Variants in ZNF747 observed in about 807,000 individuals in gnomAD.
The protein encoded by ZNF747 is zinc finger protein 747.
A neutral mutation model predicts 13.4 loss-of-function variants in ZNF747; 14 were observed. The observed-to-expected ratio is 1.04, with a 90% CI of 0.69 to 1.63. The LOEUF is 1.63. Ranked by LOEUF, ZNF747 falls within the 40% of genes most tolerant of loss-of-function variation. The pLI is 0.00. For synonymous variants in ZNF747, 212 were observed against 206.5 expected, an observed-to-expected ratio of 1.03 and a Z score of -0.23; for missense variants, 532 against 477.9, an observed-to-expected ratio of 1.11 and a Z score of -1.05.
chr16:30,533,103 G>T lies in ZNF747; in HGVS notation c.392C>A (p.Ala131Asp). 6.2e-7 allele frequency: 1 copy of T among 1,612,554 alleles called. No individual in the cohort carries two copies. The highest frequency in any genetic ancestry group is 8.5e-7 in the Non-Finnish European group (1 of 1,180,030). The change falls in exon 3 of 3, where the codon GCC becomes GAC. Residue 131 changes from alanine (A) to aspartate (D), a missense_variant. Physicochemically the swap from Ala to Asp is moderately radical, Grantham distance 126. Coordinates refer to ENST00000693075, the MANE Select transcript of ZNF747 (RefSeq NM_001305018.2). ...GGCCACAGGGTCGGGCTTCTCCAGG[G>T]CTCCCGTCCCTTCCCTTTGTCTTTC... Reference protein sequence around the residue: ...EEERQREGTGALEKPDPVAAG... With the variant: ...EEERQREGTGDLEKPDPVAAG...
Position 30,533,146 on chromosome 16 carries a change from A to C in ZNF747, c.349T>G (p.Ser117Ala). ...KCPTEADPAD[S>A]RNKEEERQRE... is the part of the protein sequence containing the mutation. ...TGTCTTTCCTCTTCCTTGTTTCTGG[A>C]ATCTGCTGAAAGATAAGGAGGCGAG... is the stretch of plus-strand genomic sequence containing the variant. The change falls in exon 3 of 3, where the codon TCC becomes GCC. Residue 117 changes from serine to alanine, a missense_variant. Ser to Ala is a moderately conservative substitution (Grantham distance 99). Coordinates refer to ENST00000693075, the MANE Select transcript of ZNF747 (RefSeq NM_001305018.2). 6.2e-7 allele frequency: 1 copy of C among 1,612,176 alleles called. No individual in the cohort carries two copies. Among genetic ancestry groups the C allele is most frequent in the South Asian group, 1.1e-5 (1 of 90,992 alleles).
At position 30,530,869 on chromosome 16, in the gene ZNF747, GCAGGGGCTGC is replaced by G. The variant is rs1435864402; in HGVS notation, c.*1620_*1629del. ...AGGTGTTGTCCTGACCAGAGGCAGG[GCAGGGGCTGC>G]CCGTGGCTGGACTCTGCCCACAAAG... On this transcript the variant is annotated 3_prime_UTR_variant, in exon 3 of 3. Coordinates refer to ENST00000693075, the MANE Select transcript of ZNF747 (RefSeq NM_001305018.2). The surrounding 1 kb of genome is among the most constrained non-coding windows in gnomAD (Gnocchi z 4.4). The G allele has an allele frequency of 6.6e-6, 1 of 152,324 alleles. No individual in the cohort carries two copies. The highest frequency in any genetic ancestry group is 1.5e-5 in the Non-Finnish European group (1 of 68,126). 9.4% of individuals were successfully genotyped at this position (152,324 alleles called of 1,614,324 possible).
At chr16:30,533,245 G>T (rs751084608) in intron 2 of ZNF747, 94 bp from the exon 3 acceptor site, 2 of 1,518,266 alleles carry the variant, frequency 1.3e-6, no homozygotes, top group Admixed American at 3.7e-5. Context: ...CTGGACCCCC[G>T]ACTGCTCCTA....
Position 30,534,605 on chromosome 16 carries a change from G to C in ZNF747, c.75C>G (p.Asn25Lys). ...PLAPLPPRDPNGAGSEWRKPG... is the reference protein window; with the variant it reads ...PLAPLPPRDPKGAGSEWRKPG... Reference sequence around the variant, plus strand: ...GCTTTCTCCACTCGGATCCCGCCCCGTTTGGGTCCCGGGGAGGGAGCGGGG... The same window carrying C: ...GCTTTCTCCACTCGGATCCCGCCCCCTTTGGGTCCCGGGGAGGGAGCGGGG... Residue 25 changes from asparagine (N) to lysine (K), a missense_variant, in exon 1 of 3, where the codon AAC (asparagine) becomes AAG (lysine). Transcript: ENST00000693075. The C allele has an allele frequency of 3.1e-6, 5 of 1,596,940 alleles. No homozygotes were observed. Among genetic ancestry groups the C allele is most frequent in the Non-Finnish European group, 3.4e-6 (4 of 1,174,180 alleles).
rs977333108 is a variant in ZNF747, at chr16:30,530,391, A to C, written c.*2108T>G. On this transcript the variant is annotated 3_prime_UTR_variant, in exon 3 of 3. Transcript: ENST00000693075. This position sits in a 1 kb window ranked among gnomAD's most constrained non-coding sequence, Gnocchi z 4.4. ...CTAGGTAATAATCACGGCATCTTTA[A>C]TTGGCAAACTCAGGGCCAAGATCTA... is the stretch of plus-strand genomic sequence containing the variant. 1 of 152,232 alleles carries C rather than the reference A, an allele frequency of 6.6e-6. No individual in the cohort carries two copies. The highest frequency in any genetic ancestry group is 6.5e-5 in the Admixed American group (1 of 15,280). 9.4% of individuals were successfully genotyped at this position (152,232 alleles called of 1,614,324 possible).
Position 30,534,315 on chromosome 16 carries a change from G to A in ZNF747, c.230-5C>T, listed in dbSNP as rs1357963493. On this transcript the variant is annotated splice_polypyrimidine_tract_variant and splice_region_variant and intron_variant, in intron 1 of 2. Coordinates refer to ENST00000693075, the MANE Select transcript of ZNF747 (RefSeq NM_001305018.2). ...CCGGCTTGCTGCCTCCGACTCCTGG[G>A]GGAGAAGAACGCAAACCCCACGCTG... is the stretch of plus-strand genomic sequence containing the variant. 7 of 1,568,470 alleles carry A rather than the reference G, an allele frequency of 4.5e-6. No individual in the cohort carries two copies. The highest frequency in any genetic ancestry group is 6.0e-6 in the Non-Finnish European group (7 of 1,157,086).
At chr16:30,533,855 G>T (rs1444666584) in intron 2 of ZNF747, among the ~76,000 whole-genome samples, 1 of 151,928 alleles carries the variant, frequency 6.6e-6, no homozygotes, top group African/African-American at 2.4e-5. Flanking sequence ...GATTGCTTGA[G>T]CCCGGGAGTT....
chr16:30,533,419 G>A (rs1315505023), intron 2 of ZNF747, among the ~76,000 whole-genome samples: 1 of 152,172 alleles, frequency 6.6e-6, no homozygotes, highest in Non-Finnish European at 1.5e-5. Context: ...CGGACACCTG[G>A]GGATATTCCA....
chr16:30,534,723 GAA>G lies in ZNF747; in HGVS notation c.-46_-45del, dbSNP rs2051432779. ...GGCATGCGGAACCTCCCGCGCCCGA[GAA>G]CACTTCCCCGGCCCGGTACCAAGGG... On this transcript the variant is annotated 5_prime_UTR_variant, in exon 1 of 3. Transcript: ENST00000693075. 3 of 1,476,214 alleles carry G rather than the reference GAA, an allele frequency of 2.0e-6. No homozygotes were observed. Among genetic ancestry groups the G allele is most frequent in the Non-Finnish European group, 2.7e-6 (3 of 1,116,154 alleles). 91.4% of individuals were successfully genotyped at this position (1,476,214 alleles called of 1,614,324 possible).
rs1185333955 is a variant in ZNF747 at position 30,532,435 on chromosome 16, A to T, written c.*64T>A. ...GGGACCTCCCTGCAGGCCGCTGCAGAGGTTCGGGCCCCTGAGCCCATCTCG... is the reference window on the plus strand; with the variant it reads ...GGGACCTCCCTGCAGGCCGCTGCAGTGGTTCGGGCCCCTGAGCCCATCTCG... On this transcript the variant is annotated 3_prime_UTR_variant, in exon 3 of 3. Transcript: ENST00000693075. The T allele has an allele frequency of 6.6e-6, 10 of 1,525,792 alleles. No individual in the cohort carries two copies. Among genetic ancestry groups the T allele is most frequent in the Non-Finnish European group, 8.0e-6 (9 of 1,131,910 alleles). 94.5% of individuals were successfully genotyped at this position (1,525,792 alleles called of 1,614,324 possible).
rs1257692981 is a variant in ZNF747, at chr16:30,532,948, C to T, written c.547G>A (p.Gly183Ser). Residue 183 changes from glycine (G) to serine (S), a missense_variant, in exon 3 of 3, where the codon GGC becomes AGC. Transcript: ENST00000693075. ...AAGCTCTTCCCGCACACGTAGCAGC[C>T]GTGACGCTGGTCAGCTCGGGGGACA... ...PPVPRADQRH[G>S]CYVCGKSFAW... is the part of the protein sequence containing the mutation. The T allele has an allele frequency of 1.2e-5, 19 of 1,605,756 alleles. No homozygotes were observed. Among genetic ancestry groups the T allele is most frequent in the Non-Finnish European group, 1.4e-5 (17 of 1,177,940 alleles).
At chr16:30,534,336 C>T in intron 1 of ZNF747, 26 bp from the exon 2 acceptor site, 1 of 1,560,372 alleles carries the variant, frequency 6.4e-7, no homozygotes, top group Non-Finnish European at 8.7e-7. Context: ...GCAAACCCCA[C>T]GCTGCGAGGA....
At chr16:30,533,213 C>T (rs2051406344) in intron 2 of ZNF747, 62 bp from the exon 3 acceptor site, 2 of 1,603,088 alleles carry the variant, frequency 1.2e-6, no homozygotes, top group Admixed American at 1.7e-5. Context: ...TCCCACAGCC[C>T]GCGTGGACAG....
chr16:30,532,532 C>G lies in ZNF747; in HGVS notation c.963G>C (p.Gln321His). 6.2e-7 allele frequency: 1 copy of G among 1,606,296 alleles called. No homozygotes were observed. The highest frequency in any genetic ancestry group is 1.1e-5 in the South Asian group (1 of 89,912). ...ATTCCTGGAATATCTCTGGATACAG[C>G]TGGAAGCCCACAGGCGGGTCCAGGT... ...RGDLDPPVGF[Q>H]LYPEIFQECG Residue 321 changes from glutamine (Q) to histidine (H), a missense_variant, in exon 3 of 3, where the codon CAG becomes CAC. Physicochemically the swap from Gln to His is conservative, Grantham distance 24. Transcript: ENST00000693075.
rs1471656059 is a variant in ZNF747 at position 30,532,966 on chromosome 16, G to C, written c.529C>G (p.Arg177Gly). 1.2e-6 allele frequency: 2 copies of C among 1,606,378 alleles called. No homozygotes were observed. The highest frequency in any genetic ancestry group is 1.7e-6 in the Non-Finnish European group (2 of 1,178,176). ...TAGCAGCCGTGACGCTGGTCAGCTC[G>C]GGGGACAGGGGGGTGGGCAAAAAAG... ...PRFFAHPPVP[R>G]ADQRHGCYVC... The change falls in exon 3 of 3, where the codon CGA (arginine) becomes GGA (glycine). Residue 177 changes from arginine (R) to glycine (G), a missense_variant. By Grantham distance (125) the Arg-to-Gly change is moderately radical. Coordinates refer to ENST00000693075, the MANE Select transcript of ZNF747 (RefSeq NM_001305018.2).
chr16:30,532,277 A>T lies in ZNF747; in HGVS notation c.*222T>A. ...CTGTATGGAGGTCTGGGGGGTTCTC[A>T]CCTCAGCCCTGCCTCAGCAAAGGGG... On this transcript the variant is annotated 3_prime_UTR_variant, in exon 3 of 3. Coordinates refer to ENST00000693075, the MANE Select transcript of ZNF747 (RefSeq NM_001305018.2). The T allele has an allele frequency of 1.6e-6, 1 of 610,224 alleles. No homozygotes were observed. The highest frequency in any genetic ancestry group is 2.9e-6 in the Non-Finnish European group (1 of 346,386). The allele number at this position is 610,224 out of a possible 1,614,324, so 37.8% of individuals were successfully genotyped here. A position where few individuals can be genotyped will look rare whatever the true frequency, so the allele number is the denominator to read the frequency against.
Position 30,532,603 on chromosome 16 carries a change from G to GGCCCCTAC in ZNF747, c.884_891dup (p.Arg298ValfsTer11), listed in dbSNP as rs2051391575. 1.3e-6 allele frequency: 2 copies of GGCCCCTAC among 1,558,272 alleles called. No homozygotes were observed. The highest frequency in any genetic ancestry group is 8.7e-7 in the Non-Finnish European group (1 of 1,155,282). Reference sequence around the variant, plus strand: ...GTCACAGACAGCCCCCCAGGGCGCCGGCCCCTACGCCCCTCGCCCCCGGGC... The same window carrying GGCCCCTAC: ...GTCACAGACAGCCCCCCAGGGCGCCGGCCCCTACGCCCCTACGCCCCTCGCCCCCGGGC... On this transcript the variant is annotated frameshift_variant, in exon 3 of 3. Coordinates refer to ENST00000693075, the MANE Select transcript of ZNF747 (RefSeq NM_001305018.2). LOFTEE classifies it low-confidence loss of function (END_TRUNC).
At chr16:30,533,194 G>GGA (rs2051406003) in intron 2 of ZNF747, 43 bp from the exon 3 acceptor site, 1 of 1,611,110 alleles carries the variant, frequency 6.2e-7, no homozygotes, top group Non-Finnish European at 8.5e-7. Context: ...GCTCATCCTG[G>GGA]TCATTGAATC....
Position 30,534,693 on chromosome 16 carries a change from G to T in ZNF747, c.-14C>A. ...CGGATCGGTCATCTCCCCTGGCCAG[G>T]CCTGGGCATGCGGAACCTCCCGCGC... On this transcript the variant is annotated 5_prime_UTR_variant, in exon 1 of 3. Transcript: ENST00000693075. 2 of 1,504,134 alleles carry T rather than the reference G, an allele frequency of 1.3e-6. No homozygotes were observed. The highest frequency in any genetic ancestry group is 1.8e-6 in the Non-Finnish European group (2 of 1,129,866). The allele number at this position is 1,504,134 out of a possible 1,614,324, so 93.2% of individuals were successfully genotyped here. A position where few individuals can be genotyped will look rare whatever the true frequency, so the allele number is the denominator to read the frequency against.
Sources: gnomAD v4.1 joint callset for allele counts (sites outside exome capture counted in the v4.1 genomes callset) on GRCh38, gnomAD v4.1.1 for gene constraint, Gnocchi (gnomAD v3.1) non-coding constraint, MANE v1.5 for transcripts, NCBI Gene and HGNC (gene_info 2026-07-23, HGNC 2026-07-21) for gene names.